The following MACROD2 variants were observed in gnomAD, a reference collection of about 807,000 sequenced individuals.
MACROD2 encodes the protein ADP-ribose glycohydrolase MACROD2.
A neutral mutation model predicts 70.4 loss-of-function variants in MACROD2; 36 were observed. The ratio of observed to expected loss-of-function variants is 0.51; its 90% CI spans 0.39 to 0.68. The LOEUF (loss-of-function observed/expected upper bound fraction) is 0.68, where lower values mean the gene tolerates loss of function less well. MACROD2 is among the 30% of genes least tolerant of loss of function. The pLI is 0.00. For missense variants in MACROD2, 496 were observed against 538.4 expected (o/e 0.92, Z 0.78); for synonymous variants, 172 against 178.8 (o/e 0.96, Z 0.30).
rs74179757 is a variant in MACROD2, at chr20:15,114,556, G to C, written c.419-115384G>C. 3.1e-3 allele frequency among the ~76,000 whole-genome samples: 475 copies of C among 152,256 alleles called. 3 individuals carry two copies. Among genetic ancestry groups the C allele is most frequent in the Middle Eastern group, 6.8e-3 (2 of 294 alleles). On this transcript the variant is annotated intron_variant, in intron 5 of 17. Coordinates refer to ENST00000684519, the MANE Select transcript of MACROD2 (RefSeq NM_001351661.2). The stretch of plus-strand genomic sequence containing the variant: ...TTGACAGTCATGTGAGCCTGGAAGA[G>C]AACTCCAAGCTCCAAAAAGGAACAC...
At chr20:16,030,192 A>T (rs550517315) in intron 15 of MACROD2, among the ~76,000 whole-genome samples, 1 of 152,202 alleles carries the variant, frequency 6.6e-6, no homozygotes, top group African/African-American at 2.4e-5. Flanking sequence ...AGCCCCAAAG[A>T]TATCCCCCAC....
At chr20:15,150,754 C>T (rs2036872820) in intron 5 of MACROD2, among the ~76,000 whole-genome samples, 1 of 151,728 alleles carries the variant, frequency 6.6e-6, no homozygotes. Flanking sequence ...GGCTGTAGTC[C>T]AGGAATAGTC....
At chr20:15,485,132 G>A (rs1355067011) in intron 7 of MACROD2, among the ~76,000 whole-genome samples, 3 of 151,738 alleles carry the variant, frequency 2.0e-5, no homozygotes, top group African/African-American at 7.3e-5. Flanking sequence ...AGGAAAGTAA[G>A]AAAAAGATCA....
In MACROD2 at chr20:14,076,499, C is replaced by G. The variant is rs570687526; in HGVS notation, c.164-9122C>G. Among the ~76,000 whole-genome samples, 304 of 151,726 alleles carry G rather than the reference C, an allele frequency of 2.0e-3. 2 individuals carry two copies. Among genetic ancestry groups the G allele is most frequent in the African/African-American group, 7.2e-3 (298 of 41,408 alleles). On this transcript the variant is annotated intron_variant, in intron 2 of 17. Transcript: ENST00000684519. ...AACCCATCTCTACCAAAAAAAAAAC[C>G]CCAAACGCACACACATAAAAAATAC...
At chr20:14,278,853 A>G (rs1459220136) in intron 3 of MACROD2, among the ~76,000 whole-genome samples, 1 of 105,182 alleles carries the variant, frequency 9.5e-6, no homozygotes, top group Non-Finnish European at 2.4e-5. Flanking sequence ...AAATTTAAAT[A>G]CTAATTTAAA....
intron 3 of MACROD2, among the ~76,000 whole-genome samples, chr20:14,157,266 A>T (rs930584740): frequency 6.6e-5 from 10 of 152,106 alleles, no homozygotes; most frequent in African/African-American, 2.4e-4. Flanking sequence ...TCTTTTTCAA[A>T]ATTGATACAT....
intron 15 of MACROD2, among the ~76,000 whole-genome samples, chr20:16,010,317 C>A (rs896487612): frequency 6.6e-6 from 1 of 152,120 alleles, no homozygotes; most frequent in African/African-American, 2.4e-5. Context: ...ACAGGACCAG[C>A]ATCTTGTGAC....
chr20:15,308,466 GTAAA>G (rs2077719255), intron 6 of MACROD2, among the ~76,000 whole-genome samples: 1 of 152,092 alleles, frequency 6.6e-6, no homozygotes, highest in Non-Finnish European at 1.5e-5. Context: ...GAGATTAAGA[GTAAA>G]TATATAAGAA....
At chr20:14,441,726 G>A (rs2084125817) in intron 3 of MACROD2, among the ~76,000 whole-genome samples, 2 of 152,088 alleles carry the variant, frequency 1.3e-5, no homozygotes, top group East Asian at 1.9e-4. Flanking sequence ...ATGTCTGCTG[G>A]CATATTACCT....
chr20:14,631,508 C>T (rs558694525), intron 4 of MACROD2, among the ~76,000 whole-genome samples: 9 of 152,254 alleles, frequency 5.9e-5, no homozygotes, highest in Admixed American at 3.3e-4. Context: ...CGGTGGCTTA[C>T]GCCTGTAATC....
chr20:15,900,131 C>T (rs6043606), intron 10 of MACROD2, among the ~76,000 whole-genome samples: 10,064 of 152,010 alleles, frequency 0.066, 855 homozygotes, highest in African/African-American at 0.2. Context: ...TTCATAAGCA[C>T]GATTTTTAAT....
At chr20:15,431,935 A>G (rs543454920) in intron 7 of MACROD2, among the ~76,000 whole-genome samples, 259 of 152,162 alleles carry the variant, frequency 1.7e-3, no homozygotes, top group Non-Finnish European at 1.4e-3. Context: ...TTTTTTCTGC[A>G]TAGTGATGGA....
chr20:15,661,387 G>C (rs1486196486), intron 8 of MACROD2, among the ~76,000 whole-genome samples: 1 of 152,152 alleles, frequency 6.6e-6, no homozygotes, highest in African/African-American at 2.4e-5. Context: ...GAAGGTTACA[G>C]GGGAAGCAGG....
In MACROD2 at chr20:15,869,210, C is replaced by CATATATAT. The variant is rs778142501; in HGVS notation, c.727+6406_727+6413dup. 6.1e-3 allele frequency among the ~76,000 whole-genome samples: 318 copies of CATATATAT among 51,798 alleles called. 21 individuals are homozygous for CATATATAT. Among genetic ancestry groups the CATATATAT allele is most frequent in the Non-Finnish European group, 0.01 (253 of 25,204 alleles). 34.0% of individuals were successfully genotyped at this position (51,798 alleles called of 152,430 possible). ...GTCAACTTTACTTAAATGTGATTAA[C>CATATATAT]ATATATATATATATATATATATATA... On this transcript the variant is annotated intron_variant, in intron 9 of 17. Transcript: ENST00000684519.
chr20:14,285,354 G>T (rs2082335303), intron 3 of MACROD2, among the ~76,000 whole-genome samples: 1 of 152,166 alleles, frequency 6.6e-6, no homozygotes, highest in Admixed American at 6.5e-5. Flanking sequence ...CCATCAGAAA[G>T]CAAGGGCGTC....
intron 3 of MACROD2, among the ~76,000 whole-genome samples, chr20:14,104,000 A>C (rs2054334953): frequency 6.6e-6 from 1 of 152,182 alleles, no homozygotes; most frequent in Non-Finnish European, 1.5e-5. Flanking sequence ...ACACACAGAC[A>C]CACATACACA....
At chr20:15,487,025 T>G (rs574881462) in intron 7 of MACROD2, among the ~76,000 whole-genome samples, 1 of 152,332 alleles carries the variant, frequency 6.6e-6, no homozygotes, top group Admixed American at 6.5e-5. Context: ...CTTTTTCATT[T>G]CAGGTACCTG....
intron 5 of MACROD2, among the ~76,000 whole-genome samples, chr20:15,001,976 T>TACACACAC (rs1324157048): frequency 6.6e-6 from 1 of 151,508 alleles, no homozygotes; most frequent in Admixed American, 6.6e-5. Flanking sequence ...CACACACATA[T>TACACACAC]ACACACACAC....
intron 5 of MACROD2, among the ~76,000 whole-genome samples, chr20:14,817,053 A>G (rs1464932254): frequency 2.0e-5 from 3 of 152,160 alleles, no homozygotes; most frequent in Non-Finnish European, 4.4e-5. Context: ...TCAAAATGTT[A>G]TTCGAAGACA....
Sources: allele counts gnomAD v4.1 joint callset (sites outside exome capture counted in the v4.1 genomes callset), GRCh38; gene constraint gnomAD v4.1.1; transcripts MANE v1.5; gene names NCBI Gene and HGNC (gene_info 2026-07-23, HGNC 2026-07-21).